Variants in TIRAP observed in about 807,000 individuals in gnomAD.
The protein encoded by TIRAP is TIR domain containing adaptor protein, also known as toll/interleukin-1 receptor domain-containing adapter protein.
TIRAP carries 20 observed loss-of-function variants against 19.8 expected under a neutral mutation model. The ratio of observed to expected loss-of-function variants is 1.01; its 90% CI spans 0.71 to 1.47. TIRAP has a LOEUF of 1.47. Ranked by LOEUF, TIRAP falls within the 40% of genes most tolerant of loss-of-function variation. The pLI is 0.00. For missense variants in TIRAP, 276 were observed against 285.1 expected (o/e 0.97, Z 0.23); for synonymous variants, 125 against 121.7 (o/e 1.03, Z -0.18).
chr11:126,288,146 C>T lies in TIRAP; in HGVS notation c.-216-2316C>T, dbSNP rs1459577720. Among the ~76,000 whole-genome samples the T allele has an allele frequency of 6.6e-6, 1 of 152,252 alleles. No homozygotes were observed. Among genetic ancestry groups the T allele is most frequent in the Non-Finnish European group, 1.5e-5 (1 of 68,042 alleles). Reference sequence around the variant, plus strand: ...CTGCCCACCTCGGCCTCCCAAAGTGCTGGGATTACAGGCATGAGCCACTGA... The same window carrying T: ...CTGCCCACCTCGGCCTCCCAAAGTGTTGGGATTACAGGCATGAGCCACTGA... On this transcript the variant is annotated intron_variant, in intron 1 of 4. Transcript: ENST00000392679. The surrounding 1 kb of genome is among the most constrained non-coding windows in gnomAD (Gnocchi z 5.0).
Position 126,290,330 on chromosome 11 carries a change from G to T in TIRAP, c.-216-132G>T, listed in dbSNP as rs538145206. ...ATGGGTCTATGGATGGAGTTATTCA[G>T]GGGGAGGCAGACTTGGAGGAAAAGT... On this transcript the variant is annotated intron_variant, in intron 1 of 4. Coordinates refer to ENST00000392679, the MANE Select transcript of TIRAP (RefSeq NM_001318777.2). The surrounding 1 kb of genome is among the most constrained non-coding windows in gnomAD (Gnocchi z 4.9). 4.2e-5 allele frequency: 28 copies of T among 665,748 alleles called. No homozygotes were observed. Among genetic ancestry groups the T allele is most frequent in the Non-Finnish European group, 5.0e-5 (27 of 537,994 alleles). The allele number at this position is 665,748 out of a possible 1,614,324, so 41.2% of individuals were successfully genotyped here. A position where few individuals can be genotyped will look rare whatever the true frequency, so the allele number is the denominator to read the frequency against.
chr11:126,289,693 C>T, intron 1 of TIRAP: 1 of 985,434 alleles, frequency 1.0e-6, no homozygotes, highest in Non-Finnish European at 1.2e-6. Context: ...AGCCCTGTGC[C>T]AGTTGCTCTG....
rs758271098 is a variant in TIRAP at position 126,290,658 on chromosome 11, A to C, written c.-93+73A>C. Reference sequence around the variant, plus strand: ...TCCAATCACAGTCGTGTCTGGCCCTAATCTCATGAGGAATGAAAGACCCAT... The same window carrying C: ...TCCAATCACAGTCGTGTCTGGCCCTCATCTCATGAGGAATGAAAGACCCAT... On this transcript the variant is annotated intron_variant, in intron 2 of 4. Transcript: ENST00000392679. This position sits in a 1 kb window ranked among gnomAD's most constrained non-coding sequence, Gnocchi z 4.9. The C allele has an allele frequency of 8.3e-5, 109 of 1,320,846 alleles. No individual in the cohort carries two copies. The highest frequency in any genetic ancestry group is 1.0e-4 in the Non-Finnish European group (105 of 1,039,048). 81.8% of individuals were successfully genotyped at this position (1,320,846 alleles called of 1,614,324 possible). A position where few individuals can be genotyped will look rare whatever the true frequency, so the allele number is the denominator to read the frequency against.
At position 126,290,549 on chromosome 11, in the gene TIRAP, AAC is replaced by A. The variant is rs1951368026; in HGVS notation, c.-127_-126del. 9.6e-7 allele frequency: 1 copy of A among 1,037,972 alleles called. No homozygotes were observed. Among genetic ancestry groups the A allele is most frequent in the South Asian group, 4.4e-5 (1 of 22,642 alleles). 64.3% of individuals were successfully genotyped at this position (1,037,972 alleles called of 1,614,324 possible). The stretch of plus-strand genomic sequence containing the variant: ...ATCCTCCTGGCCAGGTGGAGCAGAG[AAC>A]AGTTCCTCAGCTGGTCATGCTGAGC... On this transcript the variant is annotated 5_prime_UTR_variant, in exon 2 of 5. Coordinates refer to ENST00000392679, the MANE Select transcript of TIRAP (RefSeq NM_001318777.2). This position sits in a 1 kb window ranked among gnomAD's most constrained non-coding sequence, Gnocchi z 4.9.
intron 1 of TIRAP, chr11:126,289,598 C>T (rs774614099): frequency 1.5e-5 from 14 of 961,836 alleles, no homozygotes; most frequent in Non-Finnish European, 1.7e-5. Flanking sequence ...AATTTTGAAA[C>T]CTTTTATTTT....
intron 1 of TIRAP, among the ~76,000 whole-genome samples, chr11:126,286,855 C>T (rs1951328097): frequency 6.6e-6 from 1 of 152,212 alleles, no homozygotes. Context: ...TAAGATGGGT[C>T]AGCAAGGCCG....
chr11:126,289,177 T>C (rs1036375221), intron 1 of TIRAP, among the ~76,000 whole-genome samples: 17 of 152,246 alleles, frequency 1.1e-4, no homozygotes, highest in African/African-American at 4.1e-4. Flanking sequence ...GTTTAAGTTC[T>C]ACTTCTTTTT....
rs1413246153 is a variant in TIRAP, at chr11:126,291,078, T to TG, written c.67+121dup. The TG allele has an allele frequency of 3.9e-6, 5 of 1,280,796 alleles. No individual in the cohort carries two copies. The highest frequency in any genetic ancestry group is 5.3e-6 in the Non-Finnish European group (5 of 939,268). The allele number at this position is 1,280,796 out of a possible 1,614,324, so 79.3% of individuals were successfully genotyped here. On this transcript the variant is annotated intron_variant, in intron 3 of 4. Coordinates refer to ENST00000392679, the MANE Select transcript of TIRAP (RefSeq NM_001318777.2). The surrounding 1 kb of genome is among the most constrained non-coding windows in gnomAD (Gnocchi z 5.6). ...TCAGAGAGACGCAGGAAGGCTGACG[T>TG]GGGGAACTCCTGACCTGAATTCAGG...
At position 126,291,707 on chromosome 11, in the gene TIRAP, C is replaced by A. The variant is rs541054649; in HGVS notation, c.67+746C>A. 4.3e-5 allele frequency: 16 copies of A among 367,920 alleles called. No homozygotes were observed. Among genetic ancestry groups the A allele is most frequent in the South Asian group, 3.0e-4 (15 of 50,766 alleles). 22.8% of individuals were successfully genotyped at this position (367,920 alleles called of 1,614,324 possible). ...TACCCCTTCCTTCCTGTATACGTAGCCCTTCCTAATCTAAGTCCACCTCCC... is the reference window on the plus strand; with the variant it reads ...TACCCCTTCCTTCCTGTATACGTAGACCTTCCTAATCTAAGTCCACCTCCC... On this transcript the variant is annotated intron_variant, in intron 3 of 4. Transcript: ENST00000392679. This position sits in a 1 kb window ranked among gnomAD's most constrained non-coding sequence, Gnocchi z 5.6.
In TIRAP at chr11:126,290,131, C is replaced by G. The variant is rs1036508229; in HGVS notation, c.-216-331C>G. 9.9e-5 allele frequency among the ~76,000 whole-genome samples: 15 copies of G among 152,148 alleles called. No homozygotes were observed. The highest frequency in any genetic ancestry group is 3.6e-4 in the African/African-American group (15 of 41,428). On this transcript the variant is annotated intron_variant, in intron 1 of 4. Coordinates refer to ENST00000392679, the MANE Select transcript of TIRAP (RefSeq NM_001318777.2). This position sits in a 1 kb window ranked among gnomAD's most constrained non-coding sequence, Gnocchi z 4.9. ...CATAAATGATTTCATTTAATCTTCA[C>G]AATAATGCTGAGAAGGAGGCTCTAG...
In TIRAP at chr11:126,294,727, C is replaced by A. The variant is rs1009245884; in HGVS notation, c.*1040C>A. ...CCCTCTCACTTCTCCCTATCATGAC[C>A]CCTCTTTTGCTGAAAAAAATTTTTA... On this transcript the variant is annotated 3_prime_UTR_variant, in exon 5 of 5. Transcript: ENST00000392679. 7.0e-6 allele frequency: 2 copies of A among 284,048 alleles called. No individual in the cohort carries two copies. Among genetic ancestry groups the A allele is most frequent in the Admixed American group, 9.6e-5 (2 of 20,786 alleles). 17.6% of individuals were successfully genotyped at this position (284,048 alleles called of 1,614,324 possible). A position where few individuals can be genotyped will look rare whatever the true frequency, so the allele number is the denominator to read the frequency against.
intron 1 of TIRAP, among the ~76,000 whole-genome samples, chr11:126,285,243 G>GTATATATATA (rs1555068788): frequency 2.8e-5 from 3 of 106,970 alleles, no homozygotes; most frequent in Non-Finnish European, 3.8e-5. Flanking sequence ...GTGTGTGTGT[G>GTATATATATA]TATATATATA....
chr11:126,290,789 T>C lies in TIRAP; in HGVS notation c.-92-14T>C. On this transcript the variant is annotated splice_polypyrimidine_tract_variant and intron_variant, in intron 2 of 4. Coordinates refer to ENST00000392679, the MANE Select transcript of TIRAP (RefSeq NM_001318777.2). The surrounding 1 kb of genome is among the most constrained non-coding windows in gnomAD (Gnocchi z 4.9). The stretch of plus-strand genomic sequence containing the variant: ...AGTGCAGCCTTTGTGATTCTCTCTC[T>C]CTACCCTCTGTAGGATGGCTGCTCC... The C allele has an allele frequency of 6.7e-7, 1 of 1,503,344 alleles. No homozygotes were observed. The highest frequency in any genetic ancestry group is 8.8e-7 in the Non-Finnish European group (1 of 1,130,442). 93.1% of individuals were successfully genotyped at this position (1,503,344 alleles called of 1,614,324 possible).
At chr11:126,292,258 C>T (rs547076029) in intron 3 of TIRAP, among the ~76,000 whole-genome samples, 98 of 148,822 alleles carry the variant, frequency 6.6e-4, no homozygotes, top group African/African-American at 2.1e-3. Flanking sequence ...GAGCCAAGAT[C>T]GCACCACTGT....
At chr11:126,286,200 A>T (rs1003500741) in intron 1 of TIRAP, among the ~76,000 whole-genome samples, 1 of 151,996 alleles carries the variant, frequency 6.6e-6, no homozygotes, top group Non-Finnish European at 1.5e-5. Flanking sequence ...CCTCGTGTCT[A>T]CTAAAAATAC....
rs1434270825 is a variant in TIRAP, at chr11:126,290,885, C to A, written c.-10C>A. On this transcript the variant is annotated 5_prime_UTR_variant, in exon 3 of 5. Transcript: ENST00000392679. This position sits in a 1 kb window ranked among gnomAD's most constrained non-coding sequence, Gnocchi z 4.9. The stretch of plus-strand genomic sequence containing the variant: ...CCTGGTCTCACGGGGCTAGTTTTGA[C>A]CCCCACGCTATGGCATCATCGACCT... 3 of 1,601,586 alleles carry A rather than the reference C, an allele frequency of 1.9e-6. No individual in the cohort carries two copies. The highest frequency in any genetic ancestry group is 1.7e-5 in the Admixed American group (1 of 58,752).
At position 126,291,750 on chromosome 11, in the gene TIRAP, G is replaced by T. The variant is rs1456922398; in HGVS notation, c.68-727G>T. ...CACCTCCCCTCAGTGCTGAAAGTGG[G>T]CTTTGGGACTGATGGATCCTTGCTA... On this transcript the variant is annotated intron_variant, in intron 3 of 4. Transcript: ENST00000392679. The surrounding 1 kb of genome is among the most constrained non-coding windows in gnomAD (Gnocchi z 5.6). Among the ~76,000 whole-genome samples the T allele has an allele frequency of 6.6e-6, 1 of 151,840 alleles. No individual in the cohort carries two copies. Among genetic ancestry groups the T allele is most frequent in the Admixed American group, 6.5e-5 (1 of 15,268 alleles).
At chr11:126,286,477 C>T (rs1372227344) in intron 1 of TIRAP, among the ~76,000 whole-genome samples, 2 of 152,188 alleles carry the variant, frequency 1.3e-5, no homozygotes, top group Non-Finnish European at 2.9e-5. Context: ...TTGTGTCTAT[C>T]AAGCTATAAA....
At chr11:126,285,241 G>GTGTGTATATATA (rs1227083138) in intron 1 of TIRAP, among the ~76,000 whole-genome samples, 3 of 37,604 alleles carry the variant, frequency 8.0e-5, no homozygotes, top group African/African-American at 1.8e-4. Context: ...ATGTGTGTGT[G>GTGTGTATATATA]TGTATATATA....
Sources: gnomAD v4.1 joint callset for allele counts (sites outside exome capture counted in the v4.1 genomes callset) on GRCh38, gnomAD v4.1.1 for gene constraint, Gnocchi (gnomAD v3.1) non-coding constraint, MANE v1.5 for transcripts, NCBI Gene and HGNC (gene_info 2026-07-23, HGNC 2026-07-21) for gene names.